Variants in RGS17 observed in about 807,000 individuals in gnomAD.
The protein encoded by RGS17 is regulator of G-protein signaling 17.
In RGS17, 12 loss-of-function variants were observed where a neutral mutation model predicts 25.5. The ratio of observed to expected loss-of-function variants is 0.47; its 90% CI spans 0.30 to 0.76. RGS17 has a LOEUF of 0.76. RGS17 is among the 30% of genes least tolerant of loss of function. The pLI is 0.07. For synonymous variants in RGS17, 71 were observed against 76.9 expected, an observed-to-expected ratio of 0.92 and a Z score of 0.40; for missense variants, 196 against 242.2, an observed-to-expected ratio of 0.81 and a Z score of 1.27.
chr6:153,099,094 T>C (rs1202151729), intron 1 of RGS17, among the ~76,000 whole-genome samples: 2 of 152,170 alleles, frequency 1.3e-5, no homozygotes, highest in East Asian at 1.9e-4. Context: ...ATCTGATCAC[T>C]TGAGATACAG....
chr6:153,069,032 G>A (rs998584443), intron 1 of RGS17, among the ~76,000 whole-genome samples: 1 of 152,156 alleles, frequency 6.6e-6, no homozygotes, highest in Non-Finnish European at 1.5e-5. Context: ...AACCACTATG[G>A]AGAAGAGTTT....
chr6:153,040,915 AGAGGCT>A (rs1232019726), intron 2 of RGS17, among the ~76,000 whole-genome samples: 1 of 151,202 alleles, frequency 6.6e-6, no homozygotes, highest in African/African-American at 2.4e-5. Context: ...AGCACTTTTG[AGAGGCT>A]GAGGCATTTT....
At chr6:153,011,872 C>G in intron 4 of RGS17, 110 bp from the exon 5 acceptor site, 1 of 731,368 alleles carries the variant, frequency 1.4e-6, no homozygotes, top group Non-Finnish European at 2.1e-6. Flanking sequence ...GCAAATCCAA[C>G]TACCAAAAGT....
intron 1 of RGS17, among the ~76,000 whole-genome samples, chr6:153,096,018 G>A (rs1048534139): frequency 2.0e-5 from 3 of 152,202 alleles, no homozygotes; most frequent in African/African-American, 7.2e-5. Context: ...AGTCTTGTGG[G>A]AAGAAAGATC....
chr6:153,125,354 T>C (rs531155449), intron 1 of RGS17, among the ~76,000 whole-genome samples: 1 of 152,262 alleles, frequency 6.6e-6, no homozygotes, highest in Non-Finnish European at 1.5e-5. Context: ...TTATTAATCA[T>C]GCTAGAATAC....
intron 1 of RGS17, among the ~76,000 whole-genome samples, chr6:153,101,472 G>A (rs1264281517): frequency 2.6e-5 from 4 of 152,158 alleles, no homozygotes; most frequent in Non-Finnish European, 4.4e-5. Flanking sequence ...GTATGCTACC[G>A]ATTTAAAAGT....
At chr6:153,012,625 C>T (rs1426313529) in intron 4 of RGS17, among the ~76,000 whole-genome samples, 3 of 152,124 alleles carry the variant, frequency 2.0e-5, no homozygotes, top group African/African-American at 2.4e-5. Context: ...TAAAGCCCTG[C>T]GCTGAAACAC....
At chr6:153,062,528 G>A (rs1464570889) in intron 1 of RGS17, among the ~76,000 whole-genome samples, 2 of 152,080 alleles carry the variant, frequency 1.3e-5, no homozygotes, top group African/African-American at 4.8e-5. Context: ...GTACCCTAGG[G>A]CCCTAATGAA....
At chr6:153,080,082 A>G (rs1776951601) in intron 1 of RGS17, among the ~76,000 whole-genome samples, 8 of 152,124 alleles carry the variant, frequency 5.3e-5, no homozygotes, top group Admixed American at 5.2e-4. Context: ...TCTGGGTTCA[A>G]GTGATTCTCC....
intron 1 of RGS17, among the ~76,000 whole-genome samples, chr6:153,090,949 G>A (rs1172921064): frequency 2.0e-5 from 3 of 152,064 alleles, no homozygotes; most frequent in African/African-American, 7.3e-5. Flanking sequence ...TTCCTCTGGT[G>A]GCTTATGCCC....
rs1051374159 is a variant in RGS17, at chr6:153,006,543, C to T, written c.*5031G>A. Reference sequence around the variant, plus strand: ...ATCACATTATTGAGAAAAGCAGTAACACTGATATAGTGTTCCATCTTAAAA... The same window carrying T: ...ATCACATTATTGAGAAAAGCAGTAATACTGATATAGTGTTCCATCTTAAAA... On this transcript the variant is annotated 3_prime_UTR_variant, in exon 5 of 5. Coordinates refer to ENST00000206262, the MANE Select transcript of RGS17 (RefSeq NM_012419.5). 9 of 152,510 alleles carry T rather than the reference C, an allele frequency of 5.9e-5. No homozygotes were observed. Among genetic ancestry groups the T allele is most frequent in the Non-Finnish European group, 1.2e-4 (8 of 68,018 alleles). 9.4% of individuals were successfully genotyped at this position (152,510 alleles called of 1,614,324 possible). A position where few individuals can be genotyped will look rare whatever the true frequency, so the allele number is the denominator to read the frequency against.
intron 2 of RGS17, among the ~76,000 whole-genome samples, chr6:153,027,345 A>G (rs1779313750): frequency 6.6e-6 from 1 of 152,092 alleles, no homozygotes. Flanking sequence ...AGGGCAAAAC[A>G]CCGAAAACTC....
intron 4 of RGS17, among the ~76,000 whole-genome samples, chr6:153,015,974 T>G (rs1032497521): frequency 6.6e-6 from 1 of 152,150 alleles, no homozygotes; most frequent in African/African-American, 2.4e-5. Context: ...TTATGTGCAT[T>G]GGGAAGCCAA....
chr6:153,129,354 C>T (rs611499), intron 1 of RGS17, among the ~76,000 whole-genome samples: 94,070 of 152,088 alleles, frequency 0.62, 30,044 homozygotes, highest in East Asian at 0.88. Flanking sequence ...AATCACCCTT[C>T]CATTAGATAG....
At chr6:153,118,517 T>G (rs1562339032) in intron 1 of RGS17, among the ~76,000 whole-genome samples, 1 of 152,236 alleles carries the variant, frequency 6.6e-6, no homozygotes, top group Non-Finnish European at 1.5e-5. Context: ...TTTCCTGTTA[T>G]CCTTTTATTT....
At chr6:153,025,525 C>T (rs1355402278) in intron 3 of RGS17, among the ~76,000 whole-genome samples, 5 of 151,326 alleles carry the variant, frequency 3.3e-5, no homozygotes, top group African/African-American at 1.2e-4. Context: ...AAGACAGAAA[C>T]TTGGAGAGTC....
Position 153,010,480 on chromosome 6 carries a change from A to C in RGS17, c.*1094T>G, listed in dbSNP as rs1178788873. 1 of 152,058 alleles carries C rather than the reference A, an allele frequency of 6.6e-6. No homozygotes were observed. Among genetic ancestry groups the C allele is most frequent in the Admixed American group, 6.5e-5 (1 of 15,268 alleles). 9.4% of individuals were successfully genotyped at this position (152,058 alleles called of 1,614,324 possible). ...ATTATGTGAAAACAGTTAAGGTCTG[A>C]AGTAGAGGATTATTTTCTTCATAAC... On this transcript the variant is annotated 3_prime_UTR_variant, in exon 5 of 5. Transcript: ENST00000206262.
At chr6:153,093,146 T>G (rs550512004) in intron 1 of RGS17, among the ~76,000 whole-genome samples, 26 of 152,356 alleles carry the variant, frequency 1.7e-4, no homozygotes, top group African/African-American at 6.3e-4. Flanking sequence ...AGTGTCTCAT[T>G]TGATTCTAAT....
chr6:153,050,673 G>A (rs1326653409), intron 1 of RGS17, among the ~76,000 whole-genome samples: 1 of 152,140 alleles, frequency 6.6e-6, no homozygotes, highest in African/African-American at 2.4e-5. Context: ...ACTACATGTA[G>A]TTCACAATAC....
Sources: gnomAD v4.1 joint callset for allele counts (sites outside exome capture counted in the v4.1 genomes callset) on GRCh38, gnomAD v4.1.1 for gene constraint, MANE v1.5 for transcripts, NCBI Gene and HGNC (gene_info 2026-07-23, HGNC 2026-07-21) for gene names.